The following PADI4 variants were observed in gnomAD, a reference collection of about 807,000 sequenced individuals.
PADI4 encodes protein-arginine deiminase type-4.
PADI4 carries 62 observed loss-of-function variants against 75.0 expected under a neutral mutation model. The observed-to-expected ratio is 0.83, with a 90% CI of 0.67 to 1.02. The LOEUF (loss-of-function observed/expected upper bound fraction) is 1.02. Among genes scored for constraint, PADI4 ranks in the 50% least tolerant of loss-of-function variants. PADI4 has a pLI of 0.00. For missense variants in PADI4, 845 were observed against 850.5 expected, an observed-to-expected ratio of 0.99 and a Z score of 0.08; for synonymous variants, 361 against 348.1, an observed-to-expected ratio of 1.04 and a Z score of -0.41.
rs906623378 is a variant in PADI4, at chr1:17,357,660, C to T, written c.1559-1178C>T. Among the ~76,000 whole-genome samples the T allele has an allele frequency of 1.1e-4, 17 of 152,072 alleles. No homozygotes were observed. In the South Asian group the frequency reaches 1.2e-3, roughly 11 times the overall value. On this transcript the variant is annotated intron_variant, in intron 13 of 15. Transcript: ENST00000375448. Reference sequence around the variant, plus strand: ...AAAATACACTAAACTAGGCTGGGCGCGATGGTTCATGCCTGTAATCCTAGC... The same window carrying T: ...AAAATACACTAAACTAGGCTGGGCGTGATGGTTCATGCCTGTAATCCTAGC...
Position 17,359,391 on chromosome 1 carries a change from GC to G in PADI4, c.1742del (p.Ala581ValfsTer7). 1 of 1,614,164 alleles carries G rather than the reference GC, an allele frequency of 6.2e-7. No homozygotes were observed. Among genetic ancestry groups the G allele is most frequent in the Non-Finnish European group, 8.5e-7 (1 of 1,180,010 alleles). ...GCTCAAAGAGTTCTCTAAGGCGGAA[GC>G]TTTTTTCCCCAACATGGTGAGGAGG... is the stretch of plus-strand genomic sequence containing the variant. ...FKLKEFSKAE[A>X]FFPNMVNMLV... On this transcript the variant is annotated frameshift_variant, in exon 15 of 16. Transcript: ENST00000375448. LOFTEE classifies it high-confidence loss of function.
intron 1 of PADI4, among the ~76,000 whole-genome samples, chr1:17,325,190 A>C (rs1293726231): frequency 2.0e-5 from 3 of 152,238 alleles, no homozygotes; most frequent in Admixed American, 2.0e-4. Context: ...GAGAGAATTC[A>C]TACCTTTACG....
At chr1:17,337,944 A>G (rs1024450125) in intron 4 of PADI4, 94 bp from the exon 5 acceptor site, 1 of 539,594 alleles carries the variant, frequency 1.9e-6, no homozygotes, top group East Asian at 3.3e-5. Context: ...AATAAATTTT[A>G]AAAAAGAGGT....
chr1:17,343,249 A>T (rs965663768), intron 8 of PADI4, among the ~76,000 whole-genome samples: 3 of 152,250 alleles, frequency 2.0e-5, no homozygotes, highest in Admixed American at 6.5e-5. Flanking sequence ...TAAATTAAAT[A>T]AAATGCACCT....
At chr1:17,358,770 C>A in intron 13 of PADI4, 68 bp from the exon 14 acceptor site, 2 of 985,656 alleles carry the variant, frequency 2.0e-6, no homozygotes, top group Non-Finnish European at 3.2e-6. Flanking sequence ...CCCCCCCCGG[C>A]ACTGGCTGGG....
intron 1 of PADI4, among the ~76,000 whole-genome samples, chr1:17,315,802 C>T (rs1375668191): frequency 6.6e-6 from 1 of 151,992 alleles, no homozygotes; most frequent in African/African-American, 2.4e-5. Context: ...AAGAGGAATT[C>T]TTCCTTTCCA....
In PADI4 at chr1:17,359,351, C is replaced by T; in HGVS notation, c.1701C>T (p.Ile567=). 2 of 1,612,064 alleles carry T rather than the reference C, an allele frequency of 1.2e-6. No individual in the cohort carries two copies. Among genetic ancestry groups the T allele is most frequent in the Non-Finnish European group, 1.7e-6 (2 of 1,178,746 alleles). Residue 567 remains isoleucine (I), a synonymous_variant, in exon 15 of 16, where the codon ATC becomes ATT. Coordinates refer to ENST00000375448, the MANE Select transcript of PADI4 (RefSeq NM_012387.3). ...LGLAESDIID[I]PQLFKLKEFS... ...TGGCCGAGAGTGACATCATTGACAT[C>T]CCGCAGCTCTTCAAGCTCAAAGAGT...
At chr1:17,323,111 AG>A (rs2074059064) in intron 1 of PADI4, among the ~76,000 whole-genome samples, 1 of 152,168 alleles carries the variant, frequency 6.6e-6, no homozygotes, top group Non-Finnish European at 1.5e-5. Context: ...GGTAGGATTC[AG>A]GGCCTTGCAG....
intron 1 of PADI4, among the ~76,000 whole-genome samples, chr1:17,320,418 G>A (rs1341008135): frequency 6.6e-6 from 1 of 152,242 alleles, no homozygotes; most frequent in African/African-American, 2.4e-5. Context: ...CTACTCCATA[G>A]ACAGAGCAGT....
At chr1:17,352,348 T>C (rs2074679045) in intron 10 of PADI4, among the ~76,000 whole-genome samples, 1 of 151,970 alleles carries the variant, frequency 6.6e-6, no homozygotes, top group Admixed American at 6.6e-5. Context: ...GGGTTGGGCT[T>C]GTTGGCTACT....
chr1:17,348,983 G>A (rs544667372), intron 10 of PADI4, among the ~76,000 whole-genome samples: 1 of 152,326 alleles, frequency 6.6e-6, no homozygotes, highest in East Asian at 1.9e-4. Flanking sequence ...GGGGAGAGTG[G>A]CCCTGCCCAC....
chr1:17,341,199 A>AGCAATTCTCCT (rs1174347197), intron 6 of PADI4, among the ~76,000 whole-genome samples: 1 of 151,712 alleles, frequency 6.6e-6, no homozygotes, highest in Non-Finnish European at 1.5e-5. Context: ...CCTGGGTTCA[A>AGCAATTCTCCT]GCAATTCTCC....
At chr1:17,335,660 G>A (rs1320695689) in intron 3 of PADI4, among the ~76,000 whole-genome samples, 2 of 152,206 alleles carry the variant, frequency 1.3e-5, no homozygotes, top group Non-Finnish European at 2.9e-5. Flanking sequence ...GACAGAGTGG[G>A]GGCATGTTCA....
At chr1:17,352,604 AC>A (rs1020863497) in intron 10 of PADI4, among the ~76,000 whole-genome samples, 4 of 151,878 alleles carry the variant, frequency 2.6e-5, no homozygotes, top group African/African-American at 9.7e-5. Flanking sequence ...GGGCATTCTG[AC>A]CCCCGCTATG....
chr1:17,339,177 C>A (rs2100730690), intron 5 of PADI4, among the ~76,000 whole-genome samples: 1 of 152,276 alleles, frequency 6.6e-6, no homozygotes, highest in South Asian at 2.1e-4. Flanking sequence ...AGCCTTTAAG[C>A]CCTTGGCTAT....
chr1:17,345,495 C>T (rs997408683), intron 8 of PADI4, among the ~76,000 whole-genome samples: 4 of 152,156 alleles, frequency 2.6e-5, no homozygotes, highest in African/African-American at 9.7e-5. Flanking sequence ...TGTGTCCCCA[C>T]CCAAATCTCA....
intron 4 of PADI4, among the ~76,000 whole-genome samples, chr1:17,337,742 C>G (rs1370954001): frequency 2.0e-5 from 3 of 151,784 alleles, no homozygotes; most frequent in African/African-American, 7.3e-5. Flanking sequence ...TGGTGAAATC[C>G]CATCTCTACT....
intron 6 of PADI4, among the ~76,000 whole-genome samples, chr1:17,341,338 A>T (rs993568005): frequency 6.6e-6 from 1 of 152,066 alleles, no homozygotes; most frequent in African/African-American, 2.4e-5. Context: ...TGACCTTGTG[A>T]TCCTCCTGCC....
At chr1:17,360,681 G>A (rs183051386) in intron 15 of PADI4, among the ~76,000 whole-genome samples, 1 of 152,292 alleles carries the variant, frequency 6.6e-6, no homozygotes, top group East Asian at 1.9e-4. Flanking sequence ...ACCTTCCCTG[G>A]GGCTCCGGGG....
Sources: allele counts gnomAD v4.1 joint callset (sites outside exome capture counted in the v4.1 genomes callset), GRCh38; gene constraint gnomAD v4.1.1; transcripts MANE v1.5; gene names NCBI Gene and HGNC (gene_info 2026-07-23, HGNC 2026-07-21).